The following CABIN1 variants were observed in gnomAD, a reference collection of about 807,000 sequenced individuals.
The protein encoded by CABIN1 is calcineurin-binding protein cabin-1.
A neutral mutation model predicts 227.7 loss-of-function variants in CABIN1; 133 were observed. The observed-to-expected ratio is 0.58, with a 90% CI of 0.51 to 0.67. The LOEUF is 0.67. Ranked by LOEUF, CABIN1 falls within the 30% of genes least tolerant of loss-of-function variation. CABIN1 has a pLI of 0.00. For synonymous variants in CABIN1, 1,086 were observed against 1,155.1 expected, an observed-to-expected ratio of 0.94 and a Z score of 1.21; for missense variants, 2,408 against 2,852.5, an observed-to-expected ratio of 0.84 and a Z score of 3.55.
Position 24,158,614 on chromosome 22 carries a change from C to G in CABIN1, c.4747-5786C>G, listed in dbSNP as rs1169590380. On this transcript the variant is annotated intron_variant, in intron 29 of 36. Transcript: ENST00000263119. ...GACTCTGAGGGAGTCACTGCTATAC[C>G]CCTGACTCGGCTGCCCATTTCCTCA... Among the ~76,000 whole-genome samples the G allele has an allele frequency of 2.6e-5, 4 of 152,150 alleles. No homozygotes were observed. In the East Asian group the frequency reaches 7.7e-4, roughly 29 times the overall value.
At chr22:24,070,694 T>G (rs2040020347) in intron 16 of CABIN1, 106 bp from the exon 17 acceptor site, 1 of 1,551,858 alleles carries the variant, frequency 6.4e-7, no homozygotes, top group African/African-American at 1.4e-5. Flanking sequence ...TTCTTCCCTT[T>G]CTTTTGCTGC....
intron 29 of CABIN1, among the ~76,000 whole-genome samples, chr22:24,147,236 C>CCT (rs1483660448): frequency 6.7e-6 from 1 of 149,628 alleles, no homozygotes; most frequent in African/African-American, 2.5e-5. Context: ...CACCTCCCTC[C>CCT]CTCCCTCTCT....
Position 24,177,403 on chromosome 22 carries a change from C to A in CABIN1, c.6206-101C>A. 9.5e-7 allele frequency: 1 copy of A among 1,047,846 alleles called. No individual in the cohort carries two copies. The highest frequency in any genetic ancestry group is 1.4e-6 in the Non-Finnish European group (1 of 725,310). The allele number at this position is 1,047,846 out of a possible 1,614,324, so 64.9% of individuals were successfully genotyped here. On this transcript the variant is annotated intron_variant, in intron 35 of 36. Coordinates refer to ENST00000263119, the MANE Select transcript of CABIN1 (RefSeq NM_012295.4). The surrounding 1 kb of genome is among the most constrained non-coding windows in gnomAD (Gnocchi z 4.4). ...CTGCCAGCCAGCACAAACTACACAGCATAAAGGCCCAGGACCTGGGGGGAG... is the reference window on the plus strand; with the variant it reads ...CTGCCAGCCAGCACAAACTACACAGAATAAAGGCCCAGGACCTGGGGGGAG...
At chr22:24,071,225 G>A in intron 17 of CABIN1, 183 bp downstream of exon 17, 1 of 759,776 alleles carries the variant, frequency 1.3e-6, no homozygotes, top group Non-Finnish European at 2.2e-6. Flanking sequence ...AACCTTCCTG[G>A]GGCTGGTCGG....
chr22:24,119,394 C>T lies in CABIN1; in HGVS notation c.4328C>T (p.Thr1443Ile), dbSNP rs1373184193. ...RGKNEESLESTEGFRAAEQGV... is the reference protein window; with the variant it reads ...RGKNEESLESIEGFRAAEQGV... Reference sequence around the variant, plus strand: ...AAAAACGAGGAGTCATTGGAGAGTACAGAAGGCTTCCGGGCTGCAGAGCAA... The same window carrying T: ...AAAAACGAGGAGTCATTGGAGAGTATAGAAGGCTTCCGGGCTGCAGAGCAA... The change falls in exon 28 of 37, where the codon ACA (threonine) becomes ATA (isoleucine). Residue 1443 changes from threonine to isoleucine, a missense_variant. Coordinates refer to ENST00000263119, the MANE Select transcript of CABIN1 (RefSeq NM_012295.4). The T allele has an allele frequency of 2.5e-6, 4 of 1,613,824 alleles. No homozygotes were observed. The East Asian group carries it at 8.9e-5, about 36-fold the overall frequency.
rs1435609117 is a variant in CABIN1, at chr22:24,164,464, G to A, written c.4811G>A (p.Arg1604His). ...RPGSFAWHMN[R>H]SIVLLLKVLA... ...GGCAGCTTTGCCTGGCACATGAACC[G>A]CTCCATCGTGCTGCTGCTCAAGGTG... is the stretch of plus-strand genomic sequence containing the variant. The change falls in exon 30 of 37, where the codon CGC (arginine) becomes CAC (histidine). Residue 1604 changes from arginine (R) to histidine (H), a missense_variant. Around this residue, in one of 3 missense-constraint regions of CABIN1, gnomAD observed 649 missense variants for 910.3 expected, o/e 0.71. Transcript: ENST00000263119. 1.2e-6 allele frequency: 2 copies of A among 1,605,706 alleles called. No homozygotes were observed. Among genetic ancestry groups the A allele is most frequent in the African/African-American group, 1.3e-5 (1 of 75,044 alleles).
intron 1 of CABIN1, among the ~76,000 whole-genome samples, chr22:24,034,058 G>A (rs1490777488): frequency 6.6e-6 from 1 of 152,170 alleles, no homozygotes; most frequent in South Asian, 2.1e-4. Flanking sequence ...ACATCATCAG[G>A]CATTAGTTAG....
intron 33 of CABIN1, among the ~76,000 whole-genome samples, chr22:24,170,752 G>GCCCCCCCCCC (rs71320752): frequency 1.5e-4 from 17 of 116,628 alleles, no homozygotes; most frequent in East Asian, 5.7e-4. Context: ...GTAGCAAACT[G>GCCCCCCCCCC]CCCCCCCCCC....
intron 23 of CABIN1, among the ~76,000 whole-genome samples, chr22:24,091,329 T>C (rs766754555): frequency 1.3e-5 from 2 of 152,164 alleles, no homozygotes; most frequent in Non-Finnish European, 2.9e-5. Flanking sequence ...CAGAAAAAAG[T>C]ACCCTGGTTG....
chr22:24,066,840 A>G, intron 15 of CABIN1, 147 bp from the exon 16 acceptor site: 1 of 720,690 alleles, frequency 1.4e-6, no homozygotes, highest in East Asian at 2.7e-5. Flanking sequence ...CTGATGTATG[A>G]AGGAGGAATC....
chr22:24,118,014 G>A (rs1232567446), intron 27 of CABIN1, among the ~76,000 whole-genome samples: 2 of 152,232 alleles, frequency 1.3e-5, no homozygotes, highest in African/African-American at 4.8e-5. Flanking sequence ...AGTGTAGTGT[G>A]GAAGGAGCTA....
intron 29 of CABIN1, chr22:24,156,096 G>GGGGGCCGGGACT (rs771011930): frequency 4.0e-4 from 167 of 414,578 alleles, no homozygotes; most frequent in African/African-American, 1.2e-3. Context: ...TGGCGGGGGC[G>GGGGGCCGGGACT]GGGGCCGGGA....
At chr22:24,053,993 G>C (rs1178295045) in intron 8 of CABIN1, among the ~76,000 whole-genome samples, 2 of 152,148 alleles carry the variant, frequency 1.3e-5, no homozygotes, top group Non-Finnish European at 2.9e-5. Context: ...TGTGGGAGGG[G>C]ACGTTGCATC....
At chr22:24,054,818 T>C in intron 8 of CABIN1, 55 bp from the exon 9 acceptor site, 1 of 1,612,368 alleles carries the variant, frequency 6.2e-7, no homozygotes. Flanking sequence ...TCCACTATGC[T>C]TGGAGTATTC....
Position 24,177,884 on chromosome 22 carries a change from A to C in CABIN1, c.6519+67A>C. On this transcript the variant is annotated intron_variant, in intron 36 of 36. Transcript: ENST00000263119. This position sits in a 1 kb window ranked among gnomAD's most constrained non-coding sequence, Gnocchi z 4.4. ...GCATAGGTTACAAAGGGGGCCTAGG[A>C]TGGGGGTGGGGGTGGCAGGAGGGCC... The C allele has an allele frequency of 2.5e-6, 2 of 790,308 alleles. No individual in the cohort carries two copies. Among genetic ancestry groups the C allele is most frequent in the Non-Finnish European group, 3.8e-6 (2 of 528,708 alleles). 49.0% of individuals were successfully genotyped at this position (790,308 alleles called of 1,614,324 possible).
At chr22:24,077,255 G>A (rs1274811189) in intron 19 of CABIN1, among the ~76,000 whole-genome samples, 1 of 152,150 alleles carries the variant, frequency 6.6e-6, no homozygotes, top group African/African-American at 2.4e-5. Flanking sequence ...TGAGTGTATT[G>A]TGTGTCTCTG....
chr22:24,044,234 C>T (rs1231814143), intron 6 of CABIN1, among the ~76,000 whole-genome samples: 4 of 152,208 alleles, frequency 2.6e-5, no homozygotes, highest in Admixed American at 6.5e-5. Context: ...ATGGGAGTGG[C>T]GGCTCAGATG....
intron 28 of CABIN1, 122 bp downstream of exon 28, chr22:24,119,820 G>A (rs2147920957): frequency 9.9e-7 from 1 of 1,005,768 alleles, no homozygotes; most frequent in East Asian, 2.4e-5. Flanking sequence ...GGAGGGATGG[G>A]CGAGGAGAGC....
chr22:24,073,913 A>G (rs1012073356), intron 18 of CABIN1, among the ~76,000 whole-genome samples: 3 of 152,194 alleles, frequency 2.0e-5, no homozygotes, highest in Non-Finnish European at 4.4e-5. Context: ...TGCATGCACT[A>G]TTGAACCATC....
Sources: gnomAD v4.1 joint callset for allele counts (sites outside exome capture counted in the v4.1 genomes callset) on GRCh38, gnomAD v4.1.1 for gene constraint, gnomAD v4.1.1 regional missense constraint, Gnocchi (gnomAD v3.1) non-coding constraint, MANE v1.5 for transcripts, NCBI Gene and HGNC (gene_info 2026-07-23, HGNC 2026-07-21) for gene names.